Variants in SPON2 observed in about 807,000 individuals in gnomAD.
The protein encoded by SPON2 is spondin-2.
In SPON2, 32 loss-of-function variants were observed where a neutral mutation model predicts 29.9. The observed-to-expected ratio is 1.07, with a 90% CI of 0.81 to 1.44. SPON2 has a LOEUF of 1.44. Ranked by LOEUF, SPON2 falls within the 40% of genes most tolerant of loss-of-function variation. The pLI, the probability that SPON2 is intolerant of heterozygous loss-of-function variation, is 0.00. For synonymous variants in SPON2, 248 were observed against 209.1 expected, an observed-to-expected ratio of 1.19 and a Z score of -1.61; for missense variants, 541 against 455.5, an observed-to-expected ratio of 1.19 and a Z score of -1.71.
chr4:1,197,155 G>C (rs750024312), upstream of SPON2: 2 of 152,200 alleles, frequency 1.3e-5, no homozygotes, highest in Non-Finnish European at 2.9e-5. Flanking sequence ...GAAAAATGCA[G>C]ACAGATCAAT....
At chr4:1,190,914 C>A (rs1381238334) in intron 1 of SPON2, among the ~76,000 whole-genome samples, 1 of 152,108 alleles carries the variant, frequency 6.6e-6, no homozygotes, top group Non-Finnish European at 1.5e-5. Context: ...ACAACTTGAA[C>A]ACTAAAAACT....
upstream of SPON2, among the ~76,000 whole-genome samples, chr4:1,175,486 C>G (rs1370450288): frequency 6.6e-6 from 1 of 151,986 alleles, no homozygotes; most frequent in Non-Finnish European, 1.5e-5. Flanking sequence ...TGGGGGGTCT[C>G]CAGCTAGGAT....
intron 1 of SPON2, among the ~76,000 whole-genome samples, chr4:1,204,543 G>A (rs565840045): frequency 1.3e-5 from 2 of 152,208 alleles, no homozygotes; most frequent in Non-Finnish European, 2.9e-5. Flanking sequence ...AGCTCCACAC[G>A]GGGCTCCCTA....
chr4:1,184,826 A>C (rs1451619703), intron 1 of SPON2, among the ~76,000 whole-genome samples: 1 of 151,544 alleles, frequency 6.6e-6, no homozygotes, highest in African/African-American at 2.4e-5. Flanking sequence ...AATCCCAGCT[A>C]CTTGGGAGGC....
chr4:1,170,667 C>T (rs1303975816), intron 4 of SPON2, 91 bp from the exon 5 acceptor site: 2 of 1,418,448 alleles, frequency 1.4e-6, no homozygotes, highest in African/African-American at 2.9e-5. Context: ...GCCCAGCGTC[C>T]AGCGTGCCCT....
chr4:1,184,851 C>T (rs1036365705), intron 1 of SPON2, among the ~76,000 whole-genome samples: 1 of 150,468 alleles, frequency 6.6e-6, no homozygotes, highest in Admixed American at 6.6e-5. Context: ...GCAGGAGAAT[C>T]ACTTGAACCC....
rs372792229 is a variant in SPON2, at chr4:1,171,470, G to C, written c.237C>G (p.Ser79=). The change falls in exon 3 of 6, where the codon TCC becomes TCG. Residue 79 remains serine, a synonymous_variant. Coordinates refer to ENST00000290902, the MANE Select transcript of SPON2 (RefSeq NM_012445.4). ...WSSLLGAAHS[S]DYSMWRKNQY... is the part of the protein sequence containing the mutation. ...GGTTCTTCCTCCACATGCTGTAGTC[G>C]GAGCTATGCGCGGCCCCTGCAGGAC... 1.4e-4 allele frequency: 226 copies of C among 1,611,550 alleles called. No homozygotes were observed. Among genetic ancestry groups the C allele is most frequent in the Non-Finnish European group, 1.9e-4 (219 of 1,179,424 alleles).
At position 1,168,010 on chromosome 4, in the gene SPON2, C is replaced by T. The variant is rs77292572; in HGVS notation, c.812-354G>A. 5.0e-4 allele frequency: 121 copies of T among 242,158 alleles called. No individual in the cohort carries two copies. In the East Asian group the frequency reaches 0.01, roughly 20 times the overall value. 15.0% of individuals were successfully genotyped at this position (242,158 alleles called of 1,614,324 possible). Reference sequence around the variant, plus strand: ...CCCTGCTGTAGAAAGCTGCTCTGCCCGAGCCTGGACCCAGCTGCTACATTT... The same window carrying T: ...CCCTGCTGTAGAAAGCTGCTCTGCCTGAGCCTGGACCCAGCTGCTACATTT... On this transcript the variant is annotated intron_variant, in intron 5 of 5. Coordinates refer to ENST00000290902, the MANE Select transcript of SPON2 (RefSeq NM_012445.4).
chr4:1,186,055 T>C (rs577424468), intron 1 of SPON2, among the ~76,000 whole-genome samples: 49 of 148,614 alleles, frequency 3.3e-4, no homozygotes, highest in South Asian at 6.5e-4. Context: ...CCATCCTGGC[T>C]AACACGGTGA....
chr4:1,186,382 C>T (rs915633048), intron 1 of SPON2, among the ~76,000 whole-genome samples: 2 of 151,542 alleles, frequency 1.3e-5, no homozygotes, highest in Admixed American at 1.3e-4. Flanking sequence ...TGGCTCACTG[C>T]AACTTCTGCC....
intron 1 of SPON2, chr4:1,200,798 T>A (rs77049343): frequency 0.24 from 108,319 of 456,504 alleles, 14,780 homozygotes; most frequent in South Asian, 0.42. Context: ...CTGCCTTTGC[T>A]GTGAGCAAGT....
At chr4:1,180,554 A>T (rs932345295) in intron 1 of SPON2, among the ~76,000 whole-genome samples, 1 of 152,248 alleles carries the variant, frequency 6.6e-6, no homozygotes, top group African/African-American at 2.4e-5. Context: ...GGAAGACAAG[A>T]TGCTGGATGT....
At chr4:1,187,861 T>C (rs1727834045) in intron 1 of SPON2, among the ~76,000 whole-genome samples, 1 of 152,150 alleles carries the variant, frequency 6.6e-6, no homozygotes, top group African/African-American at 2.4e-5. Context: ...TATTTATTTT[T>C]ACACTGCCCT....
chr4:1,200,921 G>T (rs756034527), intron 1 of SPON2: 1 of 456,738 alleles, frequency 2.2e-6, no homozygotes, highest in Admixed American at 2.3e-5. Context: ...TGCCCTGGAT[G>T]TGGGCACCCC....
chr4:1,176,528 A>G (rs545000163), upstream of SPON2, among the ~76,000 whole-genome samples: 13 of 152,282 alleles, frequency 8.5e-5, no homozygotes, highest in South Asian at 2.7e-3. Context: ...TGATTCACAC[A>G]GTACATTCAT....
chr4:1,169,666 A>T (rs1288513319), intron 5 of SPON2: 1 of 152,412 alleles, frequency 6.6e-6, no homozygotes, highest in African/African-American at 2.4e-5. Context: ...GACGGGGCCC[A>T]TGGCCAGGTT....
upstream of SPON2, among the ~76,000 whole-genome samples, chr4:1,174,056 T>C (rs1727538797): frequency 6.6e-6 from 1 of 151,462 alleles, no homozygotes; most frequent in South Asian, 2.1e-4. Flanking sequence ...AAAAATTAGC[T>C]GGGTGTGGTG....
At chr4:1,200,620 C>T in intron 1 of SPON2, 1 of 351,224 alleles carries the variant, frequency 2.8e-6, no homozygotes, top group Non-Finnish European at 5.7e-6. Flanking sequence ...CAGCTGTTCC[C>T]CATCAGCACC....
chr4:1,208,583 C>T (rs1367066994), upstream of SPON2: 2 of 152,408 alleles, frequency 1.3e-5, no homozygotes, highest in Non-Finnish European at 2.9e-5. Flanking sequence ...TACCCAAGGC[C>T]TGGAGAATCA....
Sources: gnomAD v4.1 joint callset for allele counts (sites outside exome capture counted in the v4.1 genomes callset) on GRCh38, gnomAD v4.1.1 for gene constraint, MANE v1.5 for transcripts, NCBI Gene and HGNC (gene_info 2026-07-23, HGNC 2026-07-21) for gene names.